NCKAP5: variants seen among roughly 807,000 people sequenced by gnomAD.
NCKAP5 encodes NCK associated protein 5.
In NCKAP5, 92 loss-of-function variants were observed where a neutral mutation model predicts 167.0. The observed-to-expected ratio is 0.55, with a 90% CI of 0.47 to 0.66. NCKAP5 has a LOEUF of 0.66. Among genes scored for constraint, NCKAP5 ranks in the 30% least tolerant of loss-of-function variants. The pLI is 0.00. For synonymous variants in NCKAP5, 891 were observed against 877.4 expected (o/e 1.02, Z -0.27); for missense variants, 2,378 against 2,315.0 (o/e 1.03, Z -0.56).
At chr2:132,786,922 A>G (rs1292865140) in intron 13 of NCKAP5, among the ~76,000 whole-genome samples, 1 of 152,202 alleles carries the variant, frequency 6.6e-6, no homozygotes, top group African/African-American at 2.4e-5. Context: ...AACTGATGCT[A>G]TATATAAAGC....
chr2:132,922,291 C>G, intron 8 of NCKAP5, among the ~76,000 whole-genome samples: 1 of 152,108 alleles, frequency 6.6e-6, no homozygotes, highest in Non-Finnish European at 1.5e-5. Context: ...ATTCTATGTA[C>G]AAAGTTCTAT....
chr2:133,619,172 G>T, the NCKAP5 span, among the ~76,000 whole-genome samples: 1 of 111,318 alleles, frequency 9.0e-6, no homozygotes, highest in African/African-American at 3.4e-5. Flanking sequence ...GGGGGAGGGG[G>T]GAGGGATAGC....
chr2:133,462,910 G>T (rs7593167), intron 3 of NCKAP5, among the ~76,000 whole-genome samples: 81,189 of 152,022 alleles, frequency 0.53, 23,230 homozygotes, highest in African/African-American at 0.73. Flanking sequence ...TGCTGAGCCA[G>T]CCCTCTCATT....
At chr2:133,291,206 G>C (rs1045704887) in intron 4 of NCKAP5, among the ~76,000 whole-genome samples, 2 of 152,176 alleles carry the variant, frequency 1.3e-5, no homozygotes, top group Non-Finnish European at 2.9e-5. Flanking sequence ...AGCATGATGA[G>C]AGATAGAGGA....
chr2:132,871,798 T>C (rs1158508535), intron 9 of NCKAP5, among the ~76,000 whole-genome samples: 1 of 152,192 alleles, frequency 6.6e-6, no homozygotes, highest in African/African-American at 2.4e-5. Context: ...CTGCGCTTCT[T>C]TGAAAAATAT....
intron 4 of NCKAP5, among the ~76,000 whole-genome samples, chr2:133,290,728 C>CTT (rs58758295): frequency 0.031 from 2,801 of 89,266 alleles, 41 homozygotes; most frequent in Middle Eastern, 0.051. Context: ...AGAATTTCTC[C>CTT]TTTTTTTTTT....
intron 3 of NCKAP5, among the ~76,000 whole-genome samples, chr2:133,388,813 G>A (rs528818709): frequency 5.9e-5 from 9 of 152,336 alleles, no homozygotes; most frequent in East Asian, 3.9e-4. Flanking sequence ...GCAAGGCTGC[G>A]TGGGCGTGGG....
At chr2:133,508,712 G>A (rs572788177) in intron 3 of NCKAP5, among the ~76,000 whole-genome samples, 2 of 152,310 alleles carry the variant, frequency 1.3e-5, no homozygotes, top group Non-Finnish European at 2.9e-5. Flanking sequence ...GGCTGCCAGA[G>A]AATGATGCGG....
intron 8 of NCKAP5, among the ~76,000 whole-genome samples, chr2:132,895,033 T>C (rs769608201): frequency 4.3e-4 from 65 of 152,046 alleles, no homozygotes; most frequent in Non-Finnish European, 8.4e-4. Flanking sequence ...TTACTTTGCC[T>C]AAAAAATCGA....
At chr2:132,749,852 T>C (rs1375411850) in intron 16 of NCKAP5, among the ~76,000 whole-genome samples, 1 of 152,170 alleles carries the variant, frequency 6.6e-6, no homozygotes, top group Non-Finnish European at 1.5e-5. Context: ...GTGACTTCAG[T>C]ATCTAGCAGA....
At chr2:132,866,724 A>C (rs563229117) in intron 10 of NCKAP5, among the ~76,000 whole-genome samples, 1 of 152,314 alleles carries the variant, frequency 6.6e-6, no homozygotes, top group Non-Finnish European at 1.5e-5. Flanking sequence ...CTAAAACTGC[A>C]CAGTAATGCT....
At chr2:133,613,830 G>A in the NCKAP5 span, among the ~76,000 whole-genome samples, 1 of 152,204 alleles carries the variant, frequency 6.6e-6, no homozygotes. Context: ...TACGTGAGCT[G>A]TAATGCAAGA....
intron 10 of NCKAP5, among the ~76,000 whole-genome samples, 194 bp downstream of exon 10, chr2:132,868,742 T>A (rs1235288295): frequency 2.6e-5 from 4 of 152,198 alleles, no homozygotes; most frequent in African/African-American, 9.6e-5. Flanking sequence ...TTACCGAAAG[T>A]TTGGATTTTT....
At chr2:133,339,444 A>G (rs1683430891) in intron 3 of NCKAP5, among the ~76,000 whole-genome samples, 1 of 152,224 alleles carries the variant, frequency 6.6e-6, no homozygotes, top group Admixed American at 6.5e-5. Context: ...AGGTCTTTCA[A>G]AGATGAAATA....
chr2:133,285,776 G>A (rs1679076649), intron 4 of NCKAP5, among the ~76,000 whole-genome samples: 1 of 152,152 alleles, frequency 6.6e-6, no homozygotes, highest in African/African-American at 2.4e-5. Context: ...GGCTGTGGCT[G>A]TGCTCCAGGT....
At chr2:132,870,262 A>G (rs1037977489) in intron 9 of NCKAP5, among the ~76,000 whole-genome samples, 11 of 152,186 alleles carry the variant, frequency 7.2e-5, no homozygotes, top group Admixed American at 7.2e-4. Flanking sequence ...AGAGTCACCT[A>G]CTAAACTTCA....
intron 16 of NCKAP5, among the ~76,000 whole-genome samples, chr2:132,732,298 G>C (rs529451417): frequency 1.7e-5 from 2 of 117,224 alleles, no homozygotes; most frequent in South Asian, 3.4e-4. Context: ...GTCAAGGGGT[G>C]GGGGGAGGGA....
intron 15 of NCKAP5, 44 bp from the exon 16 acceptor site, chr2:132,773,938 A>G: frequency 6.5e-7 from 1 of 1,535,754 alleles, no homozygotes; most frequent in Non-Finnish European, 9.0e-7. Context: ...TTGTTTTATT[A>G]AAAAGATCCT....
At chr2:133,409,283 A>C (rs150461558) in intron 3 of NCKAP5, among the ~76,000 whole-genome samples, 12 of 152,342 alleles carry the variant, frequency 7.9e-5, no homozygotes, top group African/African-American at 2.2e-4. Flanking sequence ...CCAGCTCAGG[A>C]AAGTCCCAGC....
Sources: gnomAD v4.1 joint callset for allele counts (sites outside exome capture counted in the v4.1 genomes callset) on GRCh38, gnomAD v4.1.1 for gene constraint, MANE v1.5 for transcripts, NCBI Gene and HGNC (gene_info 2026-07-23, HGNC 2026-07-21) for gene names.